The following ANKRD50 variants were observed in gnomAD, a reference collection of about 807,000 sequenced individuals.
ANKRD50 encodes ankyrin repeat domain-containing protein 50.
In ANKRD50, 40 loss-of-function variants were observed where a neutral mutation model predicts 112.0. The observed-to-expected ratio is 0.36, with a 90% CI of 0.28 to 0.46. The LOEUF is 0.46. Among genes scored for constraint, ANKRD50 ranks in the 20% least tolerant of loss-of-function variants. ANKRD50 has a pLI of 1.00. For missense variants in ANKRD50, 1,487 were observed against 1,701.7 expected (o/e 0.87, Z 2.22); for synonymous variants, 613 against 619.1 (o/e 0.99, Z 0.15).
chr4:124,710,649 T>G lies in ANKRD50; in HGVS notation c.-138A>C. 9 of 1,016,218 alleles carry G rather than the reference T, an allele frequency of 8.9e-6. No homozygotes were observed. Among genetic ancestry groups the G allele is most frequent in the Non-Finnish European group, 1.2e-5 (8 of 694,398 alleles). 63.0% of individuals were successfully genotyped at this position (1,016,218 alleles called of 1,614,324 possible). On this transcript the variant is annotated 5_prime_UTR_variant, in exon 2 of 5. Coordinates refer to ENST00000504087, the MANE Select transcript of ANKRD50 (RefSeq NM_020337.3). ...ACAGTAAAATTCAACAGCCACAGAG[T>G]TCCTCTGTCAACAGAACGTGCATGA...
Position 124,669,245 on chromosome 4 carries a change from C to G in ANKRD50, c.4032G>C (p.Gln1344His). 1 of 1,613,684 alleles carries G rather than the reference C, an allele frequency of 6.2e-7. No homozygotes were observed. Among genetic ancestry groups the G allele is most frequent in the East Asian group, 2.2e-5 (1 of 44,858 alleles). ...CACTTTGTTGGTGAATAAGAAACTG[C>G]TGTTGAGATCGACCAATTTCCTGCT... The part of the protein sequence containing the change: ...SAQQEIGRSQ[Q>H]QFLIHQQSGE... The change falls in exon 4 of 5, where the codon CAG (glutamine) becomes CAC (histidine). Residue 1344 changes from glutamine to histidine, a missense_variant. Physicochemically the swap from Gln to His is conservative, Grantham distance 24. Transcript: ENST00000504087.
chr4:124,694,166 C>G (rs1190237255), intron 2 of ANKRD50, among the ~76,000 whole-genome samples: 1 of 152,084 alleles, frequency 6.6e-6, no homozygotes, highest in Non-Finnish European at 1.5e-5. Flanking sequence ...AATCGGGGAA[C>G]AAATATTATC....
intron 2 of ANKRD50, among the ~76,000 whole-genome samples, chr4:124,692,923 T>A (rs550484704): frequency 2.6e-5 from 4 of 152,322 alleles, no homozygotes; most frequent in African/African-American, 9.6e-5. Context: ...ATTTACCCAT[T>A]TATCCCTCAC....
Position 124,666,909 on chromosome 4 carries a change from T to A in ANKRD50, c.*609A>T, listed in dbSNP as rs149356180. ...CTTAAAGCAGCTCCCTAAACTACTA[T>A]AAAATATTTTTTTTAAACTGCCAAG... On this transcript the variant is annotated 3_prime_UTR_variant, in exon 5 of 5. Transcript: ENST00000504087. The A allele has an allele frequency of 6.6e-6, 1 of 152,138 alleles. No homozygotes were observed. Among genetic ancestry groups the A allele is most frequent in the African/African-American group, 2.4e-5 (1 of 41,412 alleles). The allele number at this position is 152,138 out of a possible 1,614,324, so 9.4% of individuals were successfully genotyped here.
rs751606786 is a variant in ANKRD50 at position 124,671,096 on chromosome 4, G to A, written c.2181C>T (p.His727=). Residue 727 remains histidine (H), a synonymous_variant, in exon 4 of 5, where the codon CAC becomes CAT. Coordinates refer to ENST00000504087, the MANE Select transcript of ANKRD50 (RefSeq NM_020337.3). ...CAATTAAAAGGCTAACAACTGATGC[G>A]TGCCCTTTACTTGCAGGCACACAAA... is the stretch of plus-strand genomic sequence containing the variant. ...AALCVPASKG[H]ASVVSLLIDR... 37 of 1,613,606 alleles carry A rather than the reference G, an allele frequency of 2.3e-5. No homozygotes were observed. The highest frequency in any genetic ancestry group is 1.6e-4 in the Middle Eastern group (1 of 6,082).
chr4:124,679,861 A>G (rs1724839741), intron 2 of ANKRD50, among the ~76,000 whole-genome samples: 3 of 152,164 alleles, frequency 2.0e-5, no homozygotes, highest in South Asian at 4.1e-4. Context: ...TACCTGGGCT[A>G]CCCTAACAAT....
rs182101750 is a variant in ANKRD50, at chr4:124,675,098, G to A, written c.743-2564C>T. On this transcript the variant is annotated intron_variant, in intron 3 of 4. Transcript: ENST00000504087. ...AAAAACATGACTTACTGAAATGATG[G>A]ACCACCTACCTCCCTATTTCTTTTC... Among the ~76,000 whole-genome samples, 447 of 151,746 alleles carry A rather than the reference G, an allele frequency of 2.9e-3. 1 individual carries two copies. The highest frequency in any genetic ancestry group is 0.01 in the African/African-American group (423 of 41,496).
chr4:124,709,896 A>G (rs888969490), intron 2 of ANKRD50, 104 bp downstream of exon 2: 4 of 1,446,974 alleles, frequency 2.8e-6, no homozygotes, highest in Admixed American at 2.3e-5. Context: ...CCAAATGTAC[A>G]GCACCAGTAA....
rs1300335412 is a variant in ANKRD50, at chr4:124,664,707, G to C, written c.*2811C>G. 1 of 152,318 alleles carries C rather than the reference G, an allele frequency of 6.6e-6. No individual in the cohort carries two copies. Among genetic ancestry groups the C allele is most frequent in the African/African-American group, 2.4e-5 (1 of 41,402 alleles). 9.4% of individuals were successfully genotyped at this position (152,318 alleles called of 1,614,324 possible). A position where few individuals can be genotyped will look rare whatever the true frequency, so the allele number is the denominator to read the frequency against. On this transcript the variant is annotated 3_prime_UTR_variant, in exon 5 of 5. Transcript: ENST00000504087. ...AGGACATTAAGCAAAACAAATATTT[G>C]CATAGCCAAAACAATATTGAGAAAA...
intron 2 of ANKRD50, among the ~76,000 whole-genome samples, chr4:124,686,782 C>T (rs1176913609): frequency 6.6e-6 from 1 of 152,084 alleles, no homozygotes; most frequent in Admixed American, 6.5e-5. Flanking sequence ...TTGAGAAAAT[C>T]CACCTGGAAA....
rs1730500302 is a variant in ANKRD50, at chr4:124,666,718, T to C, written c.*800A>G. The C allele has an allele frequency of 6.6e-6, 1 of 152,408 alleles. No homozygotes were observed. Among genetic ancestry groups the C allele is most frequent in the Admixed American group, 6.6e-5 (1 of 15,240 alleles). 9.4% of individuals were successfully genotyped at this position (152,408 alleles called of 1,614,324 possible). On this transcript the variant is annotated 3_prime_UTR_variant, in exon 5 of 5. Transcript: ENST00000504087. Reference sequence around the variant, plus strand: ...GAGAATTTTCATGCCTCAGGAATGATAGTCTGTCTTCTTAGAGGTGGAATG... The same window carrying C: ...GAGAATTTTCATGCCTCAGGAATGACAGTCTGTCTTCTTAGAGGTGGAATG...
Position 124,664,236 on chromosome 4 carries a change from A to T in ANKRD50, c.*3282T>A, listed in dbSNP as rs975046881. 6.8e-6 allele frequency: 1 copy of T among 147,124 alleles called. No individual in the cohort carries two copies. The highest frequency in any genetic ancestry group is 1.5e-5 in the Non-Finnish European group (1 of 66,552). The allele number at this position is 147,124 out of a possible 1,614,324, so 9.1% of individuals were successfully genotyped here. A position where few individuals can be genotyped will look rare whatever the true frequency, so the allele number is the denominator to read the frequency against. On this transcript the variant is annotated 3_prime_UTR_variant, in exon 5 of 5. Transcript: ENST00000504087. ...CCTGACATGGTGTGATATAGTATAT[A>T]ATCAGTCACGGGGGGGAAAAGAACA...
chr4:124,711,660 C>T (rs138984918), intron 1 of ANKRD50, among the ~76,000 whole-genome samples: 1 of 151,874 alleles, frequency 6.6e-6, no homozygotes, highest in Admixed American at 6.6e-5. Context: ...ACAGTCCAGT[C>T]AGTCAAGGAC....
At chr4:124,683,125 T>C (rs1235417337) in intron 2 of ANKRD50, among the ~76,000 whole-genome samples, 2 of 151,864 alleles carry the variant, frequency 1.3e-5, no homozygotes, top group East Asian at 1.9e-4. Flanking sequence ...TGTGTGTACA[T>C]ATTTATCACA....
Position 124,666,347 on chromosome 4 carries a change from G to A in ANKRD50, c.*1171C>T, listed in dbSNP as rs1301554900. On this transcript the variant is annotated 3_prime_UTR_variant, in exon 5 of 5. Coordinates refer to ENST00000504087, the MANE Select transcript of ANKRD50 (RefSeq NM_020337.3). The stretch of plus-strand genomic sequence containing the variant: ...CAGGAAAGAGTATGAGGATAGAAAA[G>A]TGCAAATCCATCACTATTAAGTAAC... The A allele has an allele frequency of 6.6e-6, 1 of 152,462 alleles. No homozygotes were observed. Among genetic ancestry groups the A allele is most frequent in the Non-Finnish European group, 1.5e-5 (1 of 67,936 alleles). 9.4% of individuals were successfully genotyped at this position (152,462 alleles called of 1,614,324 possible).
In ANKRD50 at chr4:124,672,441, GCTT is replaced by G. The variant is rs755526134; in HGVS notation, c.833_835del (p.Glu278del). The G allele has an allele frequency of 1.9e-6, 3 of 1,612,762 alleles. No homozygotes were observed. Among genetic ancestry groups the G allele is most frequent in the East Asian group, 2.2e-5 (1 of 44,824 alleles). On this transcript the variant is annotated inframe_deletion, in exon 4 of 5. Transcript: ENST00000504087. ...TTCTTTTGTGAGGTGTTGTCGCAAA[GCTT>G]CTTCTTGATCTAAACGATGAAGAAT...
chr4:124,669,958 C>A lies in ANKRD50; in HGVS notation c.3319G>T (p.Gly1107Cys). The change falls in exon 4 of 5, where the codon GGC (glycine) becomes TGC (cysteine). Residue 1107 changes from glycine (G) to cysteine (C), a missense_variant. Around this residue, in one of 2 missense-constraint regions of ANKRD50, gnomAD observed 441 missense variants for 432.2 expected, o/e 1.02. Coordinates refer to ENST00000504087, the MANE Select transcript of ANKRD50 (RefSeq NM_020337.3). ...LEKYGASSLN[G>C]CSPSPVHTME... ...GTGTGAACAGGAGATGGGGAACAGCCATTCAAACTAGATGCACCATATTTT... is the reference window on the plus strand; with the variant it reads ...GTGTGAACAGGAGATGGGGAACAGCAATTCAAACTAGATGCACCATATTTT... 6.2e-7 allele frequency: 1 copy of A among 1,611,582 alleles called. No homozygotes were observed. The highest frequency in any genetic ancestry group is 8.5e-7 in the Non-Finnish European group (1 of 1,179,434).
rs1297007343 is a variant in ANKRD50 at position 124,710,821 on chromosome 4, T to C, written c.-310A>G. The C allele has an allele frequency of 1.4e-5, 6 of 440,392 alleles. No homozygotes were observed. Among genetic ancestry groups the C allele is most frequent in the South Asian group, 7.5e-5 (1 of 13,380 alleles). 27.3% of individuals were successfully genotyped at this position (440,392 alleles called of 1,614,324 possible). A position where few individuals can be genotyped will look rare whatever the true frequency, so the allele number is the denominator to read the frequency against. On this transcript the variant is annotated 5_prime_UTR_variant, in exon 2 of 5. Transcript: ENST00000504087. ...ATGGTTATAACTGGAGTTTATGTGATTGTGGATGTTTCAAGAACAGAGATG... is the reference window on the plus strand; with the variant it reads ...ATGGTTATAACTGGAGTTTATGTGACTGTGGATGTTTCAAGAACAGAGATG...
intron 2 of ANKRD50, among the ~76,000 whole-genome samples, chr4:124,700,378 G>A (rs1244574997): frequency 6.6e-6 from 1 of 152,186 alleles, no homozygotes; most frequent in African/African-American, 2.4e-5. Flanking sequence ...AAAGTAACAT[G>A]ATCTGATAAT....
Sources: gnomAD v4.1 joint callset for allele counts (sites outside exome capture counted in the v4.1 genomes callset) on GRCh38, gnomAD v4.1.1 for gene constraint, gnomAD v4.1.1 regional missense constraint, MANE v1.5 for transcripts, NCBI Gene and HGNC (gene_info 2026-07-23, HGNC 2026-07-21) for gene names.